The following RELN variants were observed in gnomAD, a reference collection of about 807,000 sequenced individuals.
RELN encodes reelin.
In RELN, 108 loss-of-function variants were observed where a neutral mutation model predicts 427.6. The observed-to-expected ratio is 0.25, with a 90% CI of 0.22 to 0.30. The LOEUF is 0.30. Among genes scored for constraint, RELN ranks in the 10% least tolerant of loss-of-function variants. The pLI is 1.00. For missense variants in RELN, 3,715 were observed against 4,302.8 expected (o/e 0.86, Z 3.82); for synonymous variants, 1,524 against 1,513.4 (o/e 1.01, Z -0.16).
intron 6 of RELN, among the ~76,000 whole-genome samples, chr7:103,742,966 T>A (rs1237497351): frequency 6.6e-6 from 1 of 151,530 alleles, no homozygotes; most frequent in East Asian, 1.9e-4. Context: ...ATTGTCAGAT[T>A]CACCAAAGTT....
At chr7:103,485,229 CAAAAAAAAAAAAAA>C (rs35324403) in intron 61 of RELN, among the ~76,000 whole-genome samples, 4 of 96,434 alleles carry the variant, frequency 4.1e-5, no homozygotes, top group South Asian at 3.9e-4. Context: ...TTTGGCAGGC[CAAAAAAAAAAAAAA>C]AAAAAAAAAA....
At chr7:103,908,827 G>A (rs1297272612) in intron 2 of RELN, among the ~76,000 whole-genome samples, 1 of 152,076 alleles carries the variant, frequency 6.6e-6, no homozygotes, top group Non-Finnish European at 1.5e-5. Flanking sequence ...CTGTTAAAAG[G>A]AGAAATTAAT....
chr7:103,546,652 T>G (rs1294330857), intron 41 of RELN, among the ~76,000 whole-genome samples: 1 of 152,226 alleles, frequency 6.6e-6, no homozygotes, highest in African/African-American at 2.4e-5. Context: ...GTCTATTTCC[T>G]CTATTGGCTG....
intron 11 of RELN, among the ~76,000 whole-genome samples, chr7:103,669,648 G>A (rs1053157427): frequency 1.3e-5 from 2 of 151,774 alleles, no homozygotes; most frequent in African/African-American, 4.8e-5. Flanking sequence ...ACCAGTAGTG[G>A]TTATTTGAGG....
intron 6 of RELN, among the ~76,000 whole-genome samples, chr7:103,742,903 T>A (rs1379671637): frequency 1.3e-5 from 2 of 151,820 alleles, no homozygotes; most frequent in African/African-American, 2.4e-5. Flanking sequence ...ATTCAGGAAA[T>A]ACAGAGAATG....
At chr7:103,590,253 C>T (rs1387315911) in intron 27 of RELN, among the ~76,000 whole-genome samples, 1 of 152,098 alleles carries the variant, frequency 6.6e-6, no homozygotes, top group Non-Finnish European at 1.5e-5. Context: ...TGTTTCCTTG[C>T]CAAAGCTCAT....
intron 2 of RELN, among the ~76,000 whole-genome samples, chr7:103,883,946 T>C (rs1044002645): frequency 6.6e-6 from 1 of 152,088 alleles, no homozygotes; most frequent in African/African-American, 2.4e-5. Flanking sequence ...AAATTTCAGA[T>C]GGAACCAAAA....
intron 11 of RELN, among the ~76,000 whole-genome samples, chr7:103,671,526 A>G (rs1833392484): frequency 6.6e-6 from 1 of 152,158 alleles, no homozygotes; most frequent in Non-Finnish European, 1.5e-5. Context: ...CAGAATCTCA[A>G]TAAATGTTGG....
intron 1 of RELN, among the ~76,000 whole-genome samples, chr7:103,979,386 A>T (rs910173542): frequency 6.6e-6 from 1 of 152,230 alleles, no homozygotes; most frequent in Non-Finnish European, 1.5e-5. Context: ...CCTGGTTGCC[A>T]TAAAGTCTAG....
At chr7:103,909,898 C>G (rs1401087155) in intron 2 of RELN, among the ~76,000 whole-genome samples, 2 of 135,212 alleles carry the variant, frequency 1.5e-5, no homozygotes, top group Non-Finnish European at 3.0e-5. Flanking sequence ...ACTGTCAAAT[C>G]ACATTGAAAA....
At chr7:103,886,830 A>G (rs939438638) in intron 2 of RELN, among the ~76,000 whole-genome samples, 3 of 152,230 alleles carry the variant, frequency 2.0e-5, no homozygotes, top group African/African-American at 4.8e-5. Context: ...TACAGAGTAT[A>G]TACTTTTAGG....
At chr7:103,917,033 T>C (rs1795497072) in intron 2 of RELN, 42 bp downstream of exon 2, 2 of 1,389,700 alleles carry the variant, frequency 1.4e-6, no homozygotes, top group Non-Finnish European at 2.0e-6. Context: ...CCTATGACTG[T>C]ATAAAATACC....
intron 6 of RELN, among the ~76,000 whole-genome samples, chr7:103,747,858 A>G (rs1284852899): frequency 6.6e-6 from 1 of 152,126 alleles, no homozygotes; most frequent in Non-Finnish European, 1.5e-5. Context: ...CATAAAATCC[A>G]TAACTTTGGT....
intron 1 of RELN, among the ~76,000 whole-genome samples, chr7:103,917,449 T>G (rs1329844903): frequency 6.6e-6 from 1 of 152,118 alleles, no homozygotes; most frequent in Non-Finnish European, 1.5e-5. Flanking sequence ...TGAACAATCA[T>G]CTGAAAATAA....
intron 4 of RELN, among the ~76,000 whole-genome samples, chr7:103,759,711 C>T (rs1370576567): frequency 6.6e-6 from 1 of 152,110 alleles, no homozygotes; most frequent in Non-Finnish European, 1.5e-5. Flanking sequence ...CTTTAAAGTG[C>T]AACTAATGTA....
Position 103,522,077 on chromosome 7 carries a change from T to G in RELN, c.7613A>C (p.Lys2538Thr). The G allele has an allele frequency of 6.2e-7, 1 of 1,614,050 alleles. No individual in the cohort carries two copies. Among genetic ancestry groups the G allele is most frequent in the Non-Finnish European group, 8.5e-7 (1 of 1,180,000 alleles). Residue 2538 changes from lysine (K) to threonine (T), a missense_variant, in exon 48 of 65, where the codon AAA becomes ACA. By Grantham distance (78) the Lys-to-Thr change is moderately conservative (BLOSUM62 -1). Around this residue, in one of 4 missense-constraint regions of RELN, gnomAD observed 1,310 missense variants for 1,643.0 expected, o/e 0.80. Transcript: ENST00000428762. Reference protein sequence around the residue: ...SQNWLTVNGGKLSTVCGAVAS... With the variant: ...SQNWLTVNGGTLSTVCGAVAS... Reference sequence around the variant, plus strand: ...CACGGCTCCACACACTGTACTCAATTTCCCTCCGTTCACAGTCAGCCAGTT... The same window carrying G: ...CACGGCTCCACACACTGTACTCAATGTCCCTCCGTTCACAGTCAGCCAGTT...
intron 8 of RELN, among the ~76,000 whole-genome samples, chr7:103,707,788 C>T (rs1180646526): frequency 6.6e-6 from 1 of 152,162 alleles, no homozygotes; most frequent in Non-Finnish European, 1.5e-5. Context: ...CGAGCCACCA[C>T]GCCCGGCTGC....
intron 44 of RELN, among the ~76,000 whole-genome samples, chr7:103,539,762 T>C (rs1386001196): frequency 6.6e-6 from 1 of 152,242 alleles, no homozygotes; most frequent in Non-Finnish European, 1.5e-5. Flanking sequence ...CATCTTATTA[T>C]GTATAAAGAT....
intron 51 of RELN, among the ~76,000 whole-genome samples, chr7:103,505,083 TAAAACTTCCATCTCCCTGG>T (rs1829163592): frequency 6.6e-6 from 1 of 152,164 alleles, no homozygotes; most frequent in African/African-American, 2.4e-5. Context: ...GACTTATAGA[TAAAACTTCCATCTCCCTGG>T]GATAGAGCTC....
Sources: gnomAD v4.1 joint callset for allele counts (sites outside exome capture counted in the v4.1 genomes callset) on GRCh38, gnomAD v4.1.1 for gene constraint, gnomAD v4.1.1 regional missense constraint, MANE v1.5 for transcripts, NCBI Gene and HGNC (gene_info 2026-07-23, HGNC 2026-07-21) for gene names.